The following ABAT variants were observed in gnomAD, a reference collection of about 807,000 sequenced individuals.
ABAT encodes the protein 4-aminobutyrate aminotransferase, mitochondrial.
ABAT carries 45 observed loss-of-function variants against 64.6 expected under a neutral mutation model. That is an observed-to-expected ratio of 0.70 (90% CI 0.55 to 0.89). The LOEUF is 0.89. Among genes scored for constraint, ABAT ranks in the 40% least tolerant of loss-of-function variants. The pLI, the probability that ABAT is intolerant of heterozygous loss-of-function variation, is 0.00. For missense variants in ABAT, 633 were observed against 658.4 expected, an observed-to-expected ratio of 0.96 and a Z score of 0.42; for synonymous variants, 297 against 250.5, an observed-to-expected ratio of 1.19 and a Z score of -1.75.
intron 1 of ABAT, among the ~76,000 whole-genome samples, chr16:8,725,614 C>T (rs1226124762): frequency 6.6e-6 from 1 of 152,178 alleles, no homozygotes; most frequent in African/African-American, 2.4e-5. Flanking sequence ...TTTATTCATT[C>T]ATCCACTGAT....
rs187134107 is a variant in ABAT at position 8,718,731 on chromosome 16, C to G, written c.-41-16968C>G. Among the ~76,000 whole-genome samples the G allele has an allele frequency of 5.9e-5, 9 of 152,290 alleles. No individual in the cohort carries two copies. In the East Asian group the frequency reaches 1.7e-3, roughly 29 times the overall value. On this transcript the variant is annotated intron_variant, in intron 1 of 15. Transcript: ENST00000268251. ...GAACAACAGGAATAGAAGTATTTGC[C>G]TCCCAGGAGTAGATAAGACGGTGTA...
chr16:8,687,810 C>T (rs1271949463), intron 1 of ABAT, among the ~76,000 whole-genome samples: 4 of 152,198 alleles, frequency 2.6e-5, no homozygotes, highest in African/African-American at 7.2e-5. Context: ...TCAGTTTCCT[C>T]ACCTGTAAAA....
chr16:8,719,905 A>G (rs2058319120), intron 1 of ABAT, among the ~76,000 whole-genome samples: 2 of 152,188 alleles, frequency 1.3e-5, no homozygotes, highest in African/African-American at 4.8e-5. Context: ...TTCGGTTCTC[A>G]GGTTTAAGCA....
At chr16:8,728,110 C>T (rs897093087) in intron 1 of ABAT, among the ~76,000 whole-genome samples, 2 of 152,156 alleles carry the variant, frequency 1.3e-5, no homozygotes, top group African/African-American at 4.8e-5. Flanking sequence ...CTAAACGATG[C>T]AGTGCCTTGC....
intron 1 of ABAT, among the ~76,000 whole-genome samples, chr16:8,675,522 C>G (rs372873803): frequency 3.7e-4 from 56 of 152,272 alleles, no homozygotes; most frequent in African/African-American, 1.2e-3. Context: ...CCAATCCCAT[C>G]CTTCTCCACC....
intron 11 of ABAT, among the ~76,000 whole-genome samples, chr16:8,771,469 T>C (rs1188721476): frequency 7.6e-4 from 7 of 9,242 alleles, no homozygotes; most frequent in Admixed American, 4.6e-3. Flanking sequence ...TTTTTCTTTC[T>C]TTTTTTTTTT....
chr16:8,768,645 A>C (rs897078550), intron 10 of ABAT, among the ~76,000 whole-genome samples, 180 bp from the exon 11 acceptor site: 2 of 152,184 alleles, frequency 1.3e-5, no homozygotes, highest in African/African-American at 4.8e-5. Context: ...AAGTATATAC[A>C]CCTCCTATGC....
At chr16:8,689,657 G>A (rs1322349199) in intron 1 of ABAT, among the ~76,000 whole-genome samples, 2 of 152,200 alleles carry the variant, frequency 1.3e-5, no homozygotes, top group African/African-American at 2.4e-5. Context: ...GTGCTAAAAG[G>A]AAGATTTGAT....
At chr16:8,712,006 G>GGT (rs1555485855) in intron 1 of ABAT, among the ~76,000 whole-genome samples, 3 of 16,518 alleles carry the variant, frequency 1.8e-4, no homozygotes, top group Admixed American at 2.0e-3. Context: ...TTGGGAGGTC[G>GGT]GGGGGGAGGG....
Position 8,764,079 on chromosome 16 carries a change from T to A in ABAT, c.377T>A (p.Val126Asp). 1 of 1,613,754 alleles carries A rather than the reference T, an allele frequency of 6.2e-7. No homozygotes were observed. The part of the protein sequence containing the change: ...IQQPQNASMF[V>D]NRPALGILPP... ...CTTGCCCTTTTGCAGAGCATGTTTG[T>A]CAACAGACCCGCCCTCGGAATCCTG... is the stretch of plus-strand genomic sequence containing the variant. The change falls in exon 7 of 16, where the codon GTC becomes GAC. Residue 126 changes from valine (V) to aspartate (D), a missense_variant. By Grantham distance (152) the Val-to-Asp change is radical. Coordinates refer to ENST00000268251, the MANE Select transcript of ABAT (RefSeq NM_020686.6). The surrounding 1 kb of genome is among the most constrained non-coding windows in gnomAD (Gnocchi z 4.2).
chr16:8,684,144 G>C (rs2057397733), intron 1 of ABAT, among the ~76,000 whole-genome samples: 1 of 152,162 alleles, frequency 6.6e-6, no homozygotes, highest in Non-Finnish European at 1.5e-5. Context: ...ACCACTCCCT[G>C]TTCCTGGGGA....
chr16:8,763,460 G>A (rs2059853854), intron 6 of ABAT, among the ~76,000 whole-genome samples: 1 of 152,208 alleles, frequency 6.6e-6, no homozygotes, highest in South Asian at 2.1e-4. Context: ...TCATCTCTGG[G>A]AACCCCTCTG....
At chr16:8,728,212 A>G (rs1475046599) in intron 1 of ABAT, among the ~76,000 whole-genome samples, 1 of 152,244 alleles carries the variant, frequency 6.6e-6, no homozygotes, top group African/African-American at 2.4e-5. Context: ...TGTTTGAAAT[A>G]TATTGTGCTA....
chr16:8,713,903 C>G (rs1266192000), intron 1 of ABAT: 1 of 456,036 alleles, frequency 2.2e-6, no homozygotes, highest in African/African-American at 2.0e-5. Context: ...TGTGTGCATC[C>G]TTACATGTGT....
In ABAT at chr16:8,732,428, C is replaced by T. The variant is rs1011422612; in HGVS notation, c.-41-3271C>T. On this transcript the variant is annotated intron_variant, in intron 1 of 15. Transcript: ENST00000268251. ...ATTAGGGAGTGGTGATGACTCTTAA[C>T]GAGCCTGCTGCCTTCAAGCATCTGT... Among the ~76,000 whole-genome samples, 64 of 150,334 alleles carry T rather than the reference C, an allele frequency of 4.3e-4. 3 individuals carry two copies. Among genetic ancestry groups the T allele is most frequent in the African/African-American group, 1.1e-3 (46 of 40,254 alleles).
chr16:8,776,457 G>C lies in ABAT; in HGVS notation c.1236G>C (p.Gly412=), dbSNP rs778198609. ...EDLLNNAAHA[G]KALLTGLLDL... ...TGCTAAATAATGCAGCCCATGCCGG[G>C]AAGGCCCTGCTCACAGGACTGCTGG... is the stretch of plus-strand genomic sequence containing the variant. The change falls in exon 14 of 16, where the codon GGG becomes GGC. Residue 412 remains glycine, a synonymous_variant. Coordinates refer to ENST00000268251, the MANE Select transcript of ABAT (RefSeq NM_020686.6). The surrounding 1 kb of genome is among the most constrained non-coding windows in gnomAD (Gnocchi z 4.4). The C allele has an allele frequency of 6.2e-7, 1 of 1,614,146 alleles. No individual in the cohort carries two copies. The highest frequency in any genetic ancestry group is 1.3e-5 in the African/African-American group (1 of 75,040).
At chr16:8,674,872 C>T (rs1428038569) in intron 1 of ABAT, among the ~76,000 whole-genome samples, 161 bp downstream of exon 1, 5 of 152,104 alleles carry the variant, frequency 3.3e-5, no homozygotes, top group African/African-American at 9.7e-5. Context: ...AAGACAGGGG[C>T]TCCCACCCCC....
At chr16:8,688,428 G>A (rs2057506203) in intron 1 of ABAT, among the ~76,000 whole-genome samples, 1 of 152,126 alleles carries the variant, frequency 6.6e-6, no homozygotes, top group South Asian at 2.1e-4. Context: ...GGACTTAGAA[G>A]CCCTCCTCCT....
intron 1 of ABAT, among the ~76,000 whole-genome samples, chr16:8,695,202 C>T (rs751809546): frequency 2.8e-4 from 43 of 152,262 alleles, no homozygotes; most frequent in Middle Eastern, 3.4e-3. Context: ...CAAAGCTACG[C>T]GGTTTTGGGA....
Sources: allele counts gnomAD v4.1 joint callset (sites outside exome capture counted in the v4.1 genomes callset), GRCh38; gene constraint gnomAD v4.1.1; non-coding constraint Gnocchi (gnomAD v3.1); transcripts MANE v1.5; gene names NCBI Gene and HGNC (gene_info 2026-07-23, HGNC 2026-07-21).